Variants in COL1A2 observed in about 807,000 individuals in gnomAD.
The protein encoded by COL1A2 is collagen type I alpha 2 chain, also known as collagen alpha-2(I) chain.
In COL1A2, 49 loss-of-function variants were observed where a neutral mutation model predicts 174.3. That is an observed-to-expected ratio of 0.28 (90% confidence interval 0.22 to 0.36). The LOEUF is 0.36. COL1A2 is among the 10% of genes least tolerant of loss of function. The pLI is 1.00. For missense variants in COL1A2, 1,438 were observed against 1,822.7 expected, an observed-to-expected ratio of 0.79 and a Z score of 3.84; for synonymous variants, 655 against 606.6, an observed-to-expected ratio of 1.08 and a Z score of -1.17.
chr7:94,400,644 T>A (rs1791671748), intron 5 of COL1A2, among the ~76,000 whole-genome samples: 1 of 152,234 alleles, frequency 6.6e-6, no homozygotes, highest in Non-Finnish European at 1.5e-5. Flanking sequence ...TAAGCAATTT[T>A]ACAAACATCC....
Position 94,413,801 on chromosome 7 carries a change from C to T in COL1A2, c.1611+58C>T, listed in dbSNP as rs41317147. ...CACTAGAATGTATATAGTCCTCAAA[C>T]TGGCCATCTCCATTTTCAGTCCAAA... is the stretch of plus-strand genomic sequence containing the variant. On this transcript the variant is annotated intron_variant, in intron 27 of 51. Transcript: ENST00000297268. 115 of 1,608,362 alleles carry T rather than the reference C, an allele frequency of 7.2e-5. No homozygotes were observed. The East Asian group carries it at 1.6e-3, about 23-fold the overall frequency.
Position 94,405,259 on chromosome 7 carries a change from C to G in COL1A2, c.486+7C>G. The G allele has an allele frequency of 2.5e-6, 4 of 1,613,636 alleles. No homozygotes were observed. The highest frequency in any genetic ancestry group is 3.4e-6 in the Non-Finnish European group (4 of 1,179,714). The stretch of plus-strand genomic sequence containing the variant: ...AGGAGTTGTTGGACCACAGGTGAGA[C>G]TTTTTACATTGGTAGATAGCACAAA... On this transcript the variant is annotated splice_region_variant and intron_variant, in intron 10 of 51. Coordinates refer to ENST00000297268, the MANE Select transcript of COL1A2 (RefSeq NM_000089.4).
chr7:94,430,583 T>A lies in COL1A2; in HGVS notation c.*190T>A. On this transcript the variant is annotated 3_prime_UTR_variant, in exon 52 of 52. Coordinates refer to ENST00000297268, the MANE Select transcript of COL1A2 (RefSeq NM_000089.4). ...GTGCAATACAGTTTCATTAACTCCT[T>A]CCCCCGCTCCCCCAAAAATTTGAAT... 1.6e-6 allele frequency: 1 copy of A among 620,516 alleles called. No homozygotes were observed. The highest frequency in any genetic ancestry group is 2.2e-5 in the South Asian group (1 of 45,048). 38.4% of individuals were successfully genotyped at this position (620,516 alleles called of 1,614,324 possible). A position where few individuals can be genotyped will look rare whatever the true frequency, so the allele number is the denominator to read the frequency against.
intron 33 of COL1A2, 87 bp downstream of exon 33, chr7:94,418,639 C>A: frequency 9.8e-7 from 1 of 1,016,730 alleles, no homozygotes; most frequent in South Asian, 1.4e-5. Flanking sequence ...TAGAACTACA[C>A]ACACTTTATT....
chr7:94,424,782 G>T (rs927302685), intron 41 of COL1A2: 3 of 458,830 alleles, frequency 6.5e-6, no homozygotes, highest in African/African-American at 5.9e-5. Flanking sequence ...GTTCTGAATC[G>T]TTCCATTAAA....
At chr7:94,424,850 T>C (rs1333832889) in intron 41 of COL1A2, 4 of 514,466 alleles carry the variant, frequency 7.8e-6, no homozygotes, top group Non-Finnish European at 1.4e-5. Context: ...ATCAACTTTT[T>C]GAATTCATTT....
rs371250316 is a variant in COL1A2 at position 94,404,615 on chromosome 7, C to T, written c.324+15C>T. 69 of 1,613,948 alleles carry T rather than the reference C, an allele frequency of 4.3e-5. No individual in the cohort carries two copies. The highest frequency in any genetic ancestry group is 5.6e-5 in the Non-Finnish European group (66 of 1,180,000). ...CTGGAGCCCCAGTAAGTACTGAAAGCTTGTAATGCCTCTTATGTAAAAAGA... is the reference window on the plus strand; with the variant it reads ...CTGGAGCCCCAGTAAGTACTGAAAGTTTGTAATGCCTCTTATGTAAAAAGA... On this transcript the variant is annotated intron_variant, in intron 7 of 51. Coordinates refer to ENST00000297268, the MANE Select transcript of COL1A2 (RefSeq NM_000089.4).
At chr7:94,405,759 T>C in intron 11 of COL1A2, 33 bp downstream of exon 11, 1 of 1,574,734 alleles carries the variant, frequency 6.4e-7, no homozygotes, top group Non-Finnish European at 8.7e-7. Flanking sequence ...AGAGAGAAAA[T>C]GCCTATTAAT....
chr7:94,413,927 C>A lies in COL1A2; in HGVS notation c.1645C>A (p.Pro549Thr), dbSNP rs42524. 3.7e-6 allele frequency: 6 copies of A among 1,613,736 alleles called. No individual in the cohort carries two copies. The highest frequency in any genetic ancestry group is 2.7e-5 in the African/African-American group (2 of 74,864). The change falls in exon 28 of 52, where the codon CCT (proline) becomes ACT (threonine). Residue 549 changes from proline (P) to threonine (T), a missense_variant. Coordinates refer to ENST00000297268, the MANE Select transcript of COL1A2 (RefSeq NM_000089.4). The stretch of plus-strand genomic sequence containing the variant: ...AGGTGGAAAAGGTGAACAGGGTCCC[C>A]CTGGTCCTCCAGGCTTCCAGGTAAG... The part of the protein sequence containing the change: ...VQGGKGEQGP[P>T]GPPGFQGLPG...
At position 94,400,269 on chromosome 7, in the gene COL1A2, G is replaced by A. The variant is rs1305273108; in HGVS notation, c.206G>A (p.Gly69Asp). Reference sequence around the variant, plus strand: ...CCTCCTGGTCCACCTGGTCCTCCTGGCCCCCCTGGTCTCGGTGGGGTAAGG... The same window carrying A: ...CCTCCTGGTCCACCTGGTCCTCCTGACCCCCCTGGTCTCGGTGGGGTAAGG... Reference protein sequence around the residue: ...TGPPGPPGPPGPPGLGGNFAA... With the variant: ...TGPPGPPGPPDPPGLGGNFAA... The change falls in exon 5 of 52, where the codon GGC becomes GAC. Residue 69 changes from glycine to aspartate, a missense_variant. Around this residue, in one of 3 missense-constraint regions of COL1A2, gnomAD observed 281 missense variants for 310.9 expected, o/e 0.90. Transcript: ENST00000297268. 1.2e-6 allele frequency: 2 copies of A among 1,613,022 alleles called. No homozygotes were observed. The highest frequency in any genetic ancestry group is 2.2e-5 in the South Asian group (2 of 91,010).
Position 94,420,956 on chromosome 7 carries a change from G to A in COL1A2, c.2296-53G>A, listed in dbSNP as rs1584326571. The A allele has an allele frequency of 1.3e-5, 19 of 1,515,830 alleles. No homozygotes were observed. The South Asian group carries it at 1.7e-4, about 13-fold the overall frequency. The allele number at this position is 1,515,830 out of a possible 1,614,324, so 93.9% of individuals were successfully genotyped here. On this transcript the variant is annotated intron_variant, in intron 37 of 51. Coordinates refer to ENST00000297268, the MANE Select transcript of COL1A2 (RefSeq NM_000089.4). ...AATGATCCACTTGAAGAAAAGAGTA[G>A]CATTTACAAGGGTTTGTTTGTGATT...
At chr7:94,395,138 G>A in intron 1 of COL1A2, 37 bp downstream of exon 1, 1 of 1,586,886 alleles carries the variant, frequency 6.3e-7, no homozygotes, top group African/African-American at 1.3e-5. Flanking sequence ...AGACTGGGTA[G>A]AGAGGTTAGA....
rs1394861652 is a variant in COL1A2 at position 94,420,660 on chromosome 7, T to C, written c.2295+12T>C. On this transcript the variant is annotated intron_variant, in intron 37 of 51. Coordinates refer to ENST00000297268, the MANE Select transcript of COL1A2 (RefSeq NM_000089.4). The stretch of plus-strand genomic sequence containing the variant: ...CTGCTGGCCCAGCTGTAAGTTGAAT[T>C]CACTGGTGGTCCACACAGCAGCTAC... 5.7e-6 allele frequency: 9 copies of C among 1,575,830 alleles called. No individual in the cohort carries two copies. Among genetic ancestry groups the C allele is most frequent in the Non-Finnish European group, 7.8e-6 (9 of 1,159,656 alleles).
rs1791906581 is a variant in COL1A2, at chr7:94,410,886, C to T, written c.1198-3C>T. 1 of 1,613,660 alleles carries T rather than the reference C, an allele frequency of 6.2e-7. No individual in the cohort carries two copies. The highest frequency in any genetic ancestry group is 1.1e-5 in the South Asian group (1 of 91,080). On this transcript the variant is annotated splice_polypyrimidine_tract_variant and splice_region_variant and intron_variant, in intron 21 of 51. Coordinates refer to ENST00000297268, the MANE Select transcript of COL1A2 (RefSeq NM_000089.4). ...TCTCTCTATTTCATGTACTTTCTTG[C>T]AGGGTAGTCCTGGTTCTCGTGGTCT...
Position 94,405,820 on chromosome 7 carries a change from T to A in COL1A2, c.540+94T>A, listed in dbSNP as rs373479818. ...AAAATCTTGGGTGACATATACTCAC[T>A]TTCAAATCCCTGGAGTTTGCCAAAG... On this transcript the variant is annotated intron_variant, in intron 11 of 51. Transcript: ENST00000297268. 7.6e-5 allele frequency: 77 copies of A among 1,014,876 alleles called. No homozygotes were observed. In the East Asian group the frequency reaches 1.5e-3, roughly 20 times the overall value. 62.9% of individuals were successfully genotyped at this position (1,014,876 alleles called of 1,614,324 possible).
intron 2 of COL1A2, 38 bp from the exon 3 acceptor site, chr7:94,398,344 A>G: frequency 1.3e-6 from 1 of 781,642 alleles, no homozygotes; most frequent in African/African-American, 1.9e-5. Flanking sequence ...TATATATACA[A>G]TTTTCTTCAT....
At chr7:94,407,710 G>GA in intron 12 of COL1A2, 137 bp from the exon 13 acceptor site, 1 of 747,158 alleles carries the variant, frequency 1.3e-6, no homozygotes. Flanking sequence ...TGGCATAATT[G>GA]AAAAACAATC....
intron 33 of COL1A2, 21 bp downstream of exon 33, chr7:94,418,573 A>G: frequency 1.2e-6 from 2 of 1,603,690 alleles, no homozygotes; most frequent in Non-Finnish European, 1.7e-6. Context: ...TTTTGTTTGT[A>G]TGTTTCTTCG....
chr7:94,412,769 C>G lies in COL1A2; in HGVS notation c.1503+87C>G, dbSNP rs1354129870. ...TAGTATTTATCTCCTGCGAATCAGTCCAGTCTCAGGGAGTTTCCTTTCAAC... is the reference window on the plus strand; with the variant it reads ...TAGTATTTATCTCCTGCGAATCAGTGCAGTCTCAGGGAGTTTCCTTTCAAC... On this transcript the variant is annotated intron_variant, in intron 25 of 51. Transcript: ENST00000297268. The G allele has an allele frequency of 6.9e-6, 8 of 1,163,960 alleles. No individual in the cohort carries two copies. The East Asian group carries it at 1.7e-4, about 25-fold the overall frequency. The allele number at this position is 1,163,960 out of a possible 1,614,324, so 72.1% of individuals were successfully genotyped here. A position where few individuals can be genotyped will look rare whatever the true frequency, so the allele number is the denominator to read the frequency against.
Sources: gnomAD v4.1 joint callset for allele counts (sites outside exome capture counted in the v4.1 genomes callset) on GRCh38, gnomAD v4.1.1 for gene constraint, gnomAD v4.1.1 regional missense constraint, MANE v1.5 for transcripts, NCBI Gene and HGNC (gene_info 2026-07-23, HGNC 2026-07-21) for gene names.